The following SMC5 variants were observed in gnomAD, a reference collection of about 807,000 sequenced individuals.
SMC5 encodes structural maintenance of chromosomes 5, also known as structural maintenance of chromosomes protein 5.
Under a neutral mutation model 148.3 loss-of-function variants are expected in SMC5, and 88 were observed. The observed-to-expected ratio is 0.59, with a 90% CI of 0.50 to 0.71. The LOEUF (loss-of-function observed/expected upper bound fraction) is 0.71. SMC5 is among the 30% of genes least tolerant of loss of function. The pLI, the probability that SMC5 is intolerant of heterozygous loss-of-function variation, is 0.00. For synonymous variants in SMC5, 421 were observed against 432.8 expected (o/e 0.97, Z 0.34); for missense variants, 1,142 against 1,298.9 (o/e 0.88, Z 1.86).
At chr9:70,329,105 T>G (rs1409134600) in intron 17 of SMC5, among the ~76,000 whole-genome samples, 1 of 152,182 alleles carries the variant, frequency 6.6e-6, no homozygotes, top group Non-Finnish European at 1.5e-5. Context: ...CCCTCCTAGA[T>G]CGCCAGGCCT....
intron 7 of SMC5, among the ~76,000 whole-genome samples, chr9:70,282,925 A>G (rs1376783081): frequency 6.6e-6 from 1 of 152,206 alleles, no homozygotes. Flanking sequence ...AAGGAGGGCA[A>G]TATAGAAAAT....
intron 19 of SMC5, 40 bp downstream of exon 19, chr9:70,346,689 C>T: frequency 1.2e-6 from 2 of 1,607,982 alleles, no homozygotes; most frequent in Non-Finnish European, 1.7e-6. Context: ...CTCCTGTTTT[C>T]CCTCTGCCTT....
At chr9:70,290,712 C>T (rs527820812) in intron 8 of SMC5, among the ~76,000 whole-genome samples, 13 of 152,088 alleles carry the variant, frequency 8.5e-5, no homozygotes, top group South Asian at 2.1e-4. Flanking sequence ...TATTTAAAAT[C>T]GCTGTTTTAA....
chr9:70,340,211 G>A (rs1213400918), intron 17 of SMC5, among the ~76,000 whole-genome samples: 1 of 151,754 alleles, frequency 6.6e-6, no homozygotes, highest in Non-Finnish European at 1.5e-5. Flanking sequence ...AAATTTAGGA[G>A]CTCTGTGCTT....
chr9:70,283,054 A>G (rs11142348), intron 7 of SMC5, among the ~76,000 whole-genome samples: 15,666 of 152,226 alleles, frequency 0.1, 1,051 homozygotes, highest in African/African-American at 0.19. Flanking sequence ...AGATTATTTG[A>G]GAATTGTTTA....
chr9:70,290,598 TTATTTGTG>T (rs1201680732), intron 8 of SMC5, among the ~76,000 whole-genome samples: 1 of 152,212 alleles, frequency 6.6e-6, no homozygotes, highest in Non-Finnish European at 1.5e-5. Flanking sequence ...TTCTCTTGAT[TTATTTGTG>T]TAGATTCAGA....
At chr9:70,350,810 T>A (rs1244928840) in intron 24 of SMC5, among the ~76,000 whole-genome samples, 3 of 152,220 alleles carry the variant, frequency 2.0e-5, no homozygotes, top group African/African-American at 7.2e-5. Flanking sequence ...TGTCATATAC[T>A]GCCCTTCCTC....
At position 70,303,175 on chromosome 9, in the gene SMC5, C is replaced by T. The variant is rs540252853; in HGVS notation, c.1465-2072C>T. ...CTGGGAGGTCGAGGCTGCAGTGAGC[C>T]GTGATCACACCACTGCACTCAGCCT... On this transcript the variant is annotated intron_variant, in intron 10 of 24. Coordinates refer to ENST00000361138, the MANE Select transcript of SMC5 (RefSeq NM_015110.4). 4.0e-5 allele frequency among the ~76,000 whole-genome samples: 6 copies of T among 151,710 alleles called. No homozygotes were observed. In the South Asian group the frequency reaches 8.3e-4, roughly 21 times the overall value.
At chr9:70,266,877 T>C (rs1349160019) in intron 2 of SMC5, among the ~76,000 whole-genome samples, 1 of 152,202 alleles carries the variant, frequency 6.6e-6, no homozygotes, top group Non-Finnish European at 1.5e-5. Context: ...CCTACATGGA[T>C]GTCCTTGGTT....
chr9:70,300,211 T>C lies in SMC5; in HGVS notation c.1464+11T>C. ...CCCATAATGCTCACGGTAAGAAACT[T>C]TGTTCATCTTGGTAGTATTGGTTTT... On this transcript the variant is annotated intron_variant, in intron 10 of 24. Coordinates refer to ENST00000361138, the MANE Select transcript of SMC5 (RefSeq NM_015110.4). The C allele has an allele frequency of 6.4e-7, 1 of 1,574,592 alleles. No individual in the cohort carries two copies. Among genetic ancestry groups the C allele is most frequent in the Non-Finnish European group, 8.6e-7 (1 of 1,169,164 alleles).
Position 70,352,270 on chromosome 9 carries a change from C to A in SMC5, c.3245C>A (p.Thr1082Lys). 6.2e-7 allele frequency: 1 copy of A among 1,613,854 alleles called. No homozygotes were observed. The highest frequency in any genetic ancestry group is 8.5e-7 in the Non-Finnish European group (1 of 1,179,910). ...YNGPHMLEPNTWNLKAFQRRR... is the reference protein window; with the variant it reads ...YNGPHMLEPNKWNLKAFQRRR... ...GGCCCTCATATGCTGGAACCAAACACATGGAATTTAAAGGCTTTCCAAAGG... is the reference window on the plus strand; with the variant it reads ...GGCCCTCATATGCTGGAACCAAACAAATGGAATTTAAAGGCTTTCCAAAGG... The change falls in exon 25 of 25, where the codon ACA (threonine) becomes AAA (lysine). Residue 1082 changes from threonine to lysine, a missense_variant. Coordinates refer to ENST00000361138, the MANE Select transcript of SMC5 (RefSeq NM_015110.4).
In SMC5 at chr9:70,352,332, TAAAAG is replaced by T; in HGVS notation, c.*2_*6del. ...TATTACATTCACTCAACCTTCTTAA[TAAAAG>T]TAAAGAGAGGGAACTTGGGAATTTT... is the stretch of plus-strand genomic sequence containing the variant. On this transcript the variant is annotated 3_prime_UTR_variant, in exon 25 of 25. Coordinates refer to ENST00000361138, the MANE Select transcript of SMC5 (RefSeq NM_015110.4). 6.3e-7 allele frequency: 1 copy of T among 1,586,498 alleles called. No individual in the cohort carries two copies. The highest frequency in any genetic ancestry group is 8.6e-7 in the Non-Finnish European group (1 of 1,169,534).
Position 70,344,138 on chromosome 9 carries a change from T to A in SMC5, c.2398-6T>A. The A allele has an allele frequency of 6.7e-7, 1 of 1,484,854 alleles. No individual in the cohort carries two copies. The highest frequency in any genetic ancestry group is 9.0e-7 in the Non-Finnish European group (1 of 1,112,972). The allele number at this position is 1,484,854 out of a possible 1,614,324, so 92.0% of individuals were successfully genotyped here. ...TTCAAATTTTCAAAATAAATTTTTTTAATAGCAACATTTCATTGAATTGGA... is the reference window on the plus strand; with the variant it reads ...TTCAAATTTTCAAAATAAATTTTTTAAATAGCAACATTTCATTGAATTGGA... On this transcript the variant is annotated splice_region_variant and splice_polypyrimidine_tract_variant and intron_variant, in intron 17 of 24. Coordinates refer to ENST00000361138, the MANE Select transcript of SMC5 (RefSeq NM_015110.4).
chr9:70,329,592 A>G (rs1226889575), intron 17 of SMC5, among the ~76,000 whole-genome samples: 2 of 152,134 alleles, frequency 1.3e-5, no homozygotes, highest in Non-Finnish European at 2.9e-5. Context: ...CCTTGTCAGC[A>G]TTTTGGTCAC....
chr9:70,351,011 A>G (rs2036791012), intron 24 of SMC5, among the ~76,000 whole-genome samples: 1 of 152,150 alleles, frequency 6.6e-6, no homozygotes, highest in South Asian at 2.1e-4. Context: ...ATATGTATTC[A>G]AAGATATGTT....
intron 6 of SMC5, among the ~76,000 whole-genome samples, chr9:70,281,441 C>T (rs1165347323): frequency 6.6e-6 from 1 of 152,132 alleles, no homozygotes. Flanking sequence ...TAGTCCTCAA[C>T]AGATAGTTTT....
intron 17 of SMC5, among the ~76,000 whole-genome samples, chr9:70,338,289 G>A (rs1388381833): frequency 1.3e-5 from 2 of 152,156 alleles, no homozygotes; most frequent in African/African-American, 2.4e-5. Context: ...GGGATTACAG[G>A]CATGTGCCAC....
At chr9:70,347,217 A>G in intron 20 of SMC5, 56 bp downstream of exon 20, 2 of 1,278,644 alleles carry the variant, frequency 1.6e-6, no homozygotes, top group Non-Finnish European at 2.3e-6. Flanking sequence ...CACCCTCCCC[A>G]TACACACACA....
chr9:70,315,289 CAT>C (rs1167836824), intron 12 of SMC5, among the ~76,000 whole-genome samples, 155 bp from the exon 13 acceptor site: 2 of 130,012 alleles, frequency 1.5e-5, no homozygotes, highest in African/African-American at 5.6e-5. Context: ...GTGAATAAGT[CAT>C]ATGTGATTTT....
Sources: allele counts gnomAD v4.1 joint callset (sites outside exome capture counted in the v4.1 genomes callset), GRCh38; gene constraint gnomAD v4.1.1; transcripts MANE v1.5; gene names NCBI Gene and HGNC (gene_info 2026-07-23, HGNC 2026-07-21).